ASXL2: variants seen among roughly 807,000 people sequenced by gnomAD.
ASXL2 encodes the protein putative Polycomb group protein ASXL2.
Under a neutral mutation model 122.0 loss-of-function variants are expected in ASXL2, and 23 were observed. That is an observed-to-expected ratio of 0.19 (90% confidence interval 0.14 to 0.27). ASXL2 has a LOEUF of 0.27. ASXL2 is among the 10% of genes least tolerant of loss of function. The pLI is 1.00. For synonymous variants in ASXL2, 650 were observed against 637.0 expected (o/e 1.02, Z -0.31); for missense variants, 1,518 against 1,713.8 (o/e 0.89, Z 2.02).
intron 2 of ASXL2, among the ~76,000 whole-genome samples, chr2:25,840,273 C>T (rs1231737632): frequency 6.6e-6 from 1 of 152,038 alleles, no homozygotes; most frequent in Non-Finnish European, 1.5e-5. Context: ...AAATGATTTC[C>T]AATCTTACCA....
chr2:25,848,555 G>A (rs1014924236), intron 1 of ASXL2, among the ~76,000 whole-genome samples: 11 of 151,966 alleles, frequency 7.2e-5, no homozygotes, highest in Non-Finnish European at 1.5e-4. Context: ...CCCTGGAGAC[G>A]GAGCTTGCAG....
In ASXL2 at chr2:25,743,191, A is replaced by G. The variant is rs2087866633; in HGVS notation, c.3146T>C (p.Ile1049Thr). 6.8e-6 allele frequency: 11 copies of G among 1,613,802 alleles called. No homozygotes were observed. The highest frequency in any genetic ancestry group is 1.3e-5 in the African/African-American group (1 of 74,910). ...TCCTTCGTGGTATTGGTGTGTGTCA[A>G]TGCTGGAGTCCCTCAGCTCCTTAGC... is the stretch of plus-strand genomic sequence containing the variant. ...FSAKELRDSSIDTHQYHEGLS... is the reference protein window; with the variant it reads ...FSAKELRDSSTDTHQYHEGLS... The change falls in exon 13 of 13, where the codon ATT (isoleucine) becomes ACT (threonine). Residue 1049 changes from isoleucine to threonine, a missense_variant. Transcript: ENST00000435504.
chr2:25,854,897 G>A (rs1343028632), intron 1 of ASXL2, among the ~76,000 whole-genome samples: 3 of 152,098 alleles, frequency 2.0e-5, no homozygotes, highest in African/African-American at 7.3e-5. Context: ...GCCAGTGTCT[G>A]TCTTGAGGAG....
At chr2:25,843,088 C>A (rs1179164276) in intron 2 of ASXL2, among the ~76,000 whole-genome samples, 15 of 151,328 alleles carry the variant, frequency 9.9e-5, no homozygotes, top group Admixed American at 4.6e-4. Context: ...ATCACAAGGT[C>A]AGGAGATCAA....
At position 25,739,877 on chromosome 2, in the gene ASXL2, G is replaced by A. The variant is rs942710144; in HGVS notation, c.*2152C>T. 1 of 218,744 alleles carries A rather than the reference G, an allele frequency of 4.6e-6. No homozygotes were observed. The highest frequency in any genetic ancestry group is 9.2e-6 in the Non-Finnish European group (1 of 109,050). 13.6% of individuals were successfully genotyped at this position (218,744 alleles called of 1,614,324 possible). On this transcript the variant is annotated 3_prime_UTR_variant, in exon 13 of 13. Coordinates refer to ENST00000435504, the MANE Select transcript of ASXL2 (RefSeq NM_018263.6). Reference sequence around the variant, plus strand: ...CAAAACTCTCAACCTCTTCCAGCATGCAGACCAGCCCTCGGCCCTGGCACT... The same window carrying A: ...CAAAACTCTCAACCTCTTCCAGCATACAGACCAGCCCTCGGCCCTGGCACT...
chr2:25,872,787 C>T (rs1286483251), intron 1 of ASXL2, among the ~76,000 whole-genome samples: 3 of 152,056 alleles, frequency 2.0e-5, no homozygotes, highest in Admixed American at 6.6e-5. Flanking sequence ...AGAGAGAGGA[C>T]GCTTAAGCAA....
rs557872665 is a variant in ASXL2, at chr2:25,739,581, C to G, written c.*2448G>C. On this transcript the variant is annotated 3_prime_UTR_variant, in exon 13 of 13. Coordinates refer to ENST00000435504, the MANE Select transcript of ASXL2 (RefSeq NM_018263.6). ...AGTATTCCTAAATGCAAATATTTAG[C>G]TGAGTATTATTTGTTAAGATAATCT... is the stretch of plus-strand genomic sequence containing the variant. 2 of 194,106 alleles carry G rather than the reference C, an allele frequency of 1.0e-5. No homozygotes were observed. The highest frequency in any genetic ancestry group is 1.6e-4 in the East Asian group (2 of 12,316). The allele number at this position is 194,106 out of a possible 1,614,324, so 12.0% of individuals were successfully genotyped here. A position where few individuals can be genotyped will look rare whatever the true frequency, so the allele number is the denominator to read the frequency against.
At chr2:25,747,558 T>A (rs1164252362) in intron 12 of ASXL2, among the ~76,000 whole-genome samples, 1 of 152,152 alleles carries the variant, frequency 6.6e-6, no homozygotes, top group Non-Finnish European at 1.5e-5. Context: ...CACAGTGGAT[T>A]AAAGTTTCTG....
At chr2:25,841,258 T>C (rs2089574928) in intron 2 of ASXL2, among the ~76,000 whole-genome samples, 1 of 152,182 alleles carries the variant, frequency 6.6e-6, no homozygotes, top group South Asian at 2.1e-4. Context: ...ATTGCACCAC[T>C]GCACTCCAGC....
chr2:25,754,496 T>C (rs1360080850), intron 10 of ASXL2, among the ~76,000 whole-genome samples: 5 of 151,998 alleles, frequency 3.3e-5, no homozygotes, highest in East Asian at 1.9e-4. Context: ...GGGCAAAGGA[T>C]TGGGAAAAGA....
intron 1 of ASXL2, among the ~76,000 whole-genome samples, chr2:25,871,119 T>C (rs1260564113): frequency 1.3e-5 from 2 of 152,200 alleles, no homozygotes; most frequent in Non-Finnish European, 2.9e-5. Context: ...CAAATCACAC[T>C]GTACTAAAAA....
intron 5 of ASXL2, among the ~76,000 whole-genome samples, chr2:25,794,721 T>C (rs2088887723): frequency 1.3e-5 from 2 of 152,212 alleles, no homozygotes; most frequent in South Asian, 2.1e-4. Context: ...TTTATTTTTG[T>C]ACATAAAAGG....
At chr2:25,802,084 T>A (rs2089007128) in intron 4 of ASXL2, among the ~76,000 whole-genome samples, 1 of 152,238 alleles carries the variant, frequency 6.6e-6, no homozygotes, top group South Asian at 2.1e-4. Flanking sequence ...CCACTCTGAA[T>A]CTTTCCAACT....
chr2:25,807,326 C>T (rs2149174835), intron 3 of ASXL2, among the ~76,000 whole-genome samples: 1 of 152,262 alleles, frequency 6.6e-6, no homozygotes, highest in African/African-American at 2.4e-5. Flanking sequence ...AAGGAGTTAT[C>T]TGCTGGGAAG....
At chr2:25,858,083 A>C (rs2089802017) in intron 1 of ASXL2, among the ~76,000 whole-genome samples, 1 of 152,184 alleles carries the variant, frequency 6.6e-6, no homozygotes, top group Non-Finnish European at 1.5e-5. Context: ...ATTTAACTAC[A>C]TTCAATGCTG....
At position 25,737,463 on chromosome 2, in the gene ASXL2, A is replaced by T. The variant is rs2087755605; in HGVS notation, c.*4566T>A. The T allele has an allele frequency of 6.6e-6, 1 of 152,224 alleles. No homozygotes were observed. Among genetic ancestry groups the T allele is most frequent in the Non-Finnish European group, 1.5e-5 (1 of 68,036 alleles). 9.4% of individuals were successfully genotyped at this position (152,224 alleles called of 1,614,324 possible). On this transcript the variant is annotated 3_prime_UTR_variant, in exon 13 of 13. Coordinates refer to ENST00000435504, the MANE Select transcript of ASXL2 (RefSeq NM_018263.6). ...TAGGAGACAAAACAGATTAAGGGAG[A>T]AAACATGGAGACAGACAGATAAGGA...
intron 3 of ASXL2, among the ~76,000 whole-genome samples, chr2:25,824,480 C>T (rs1192091411): frequency 6.8e-6 from 1 of 147,386 alleles, no homozygotes; most frequent in African/African-American, 2.5e-5. Context: ...TGTGCACGTA[C>T]ACACACACAC....
intron 1 of ASXL2, among the ~76,000 whole-genome samples, chr2:25,848,981 G>A (rs2089684000): frequency 1.4e-5 from 2 of 143,732 alleles, no homozygotes; most frequent in East Asian, 2.2e-4. Flanking sequence ...GGAGGCGGAG[G>A]TTGCAGTGAG....
intron 5 of ASXL2, among the ~76,000 whole-genome samples, chr2:25,785,264 CT>C (rs1475511327): frequency 8.5e-5 from 13 of 152,188 alleles, no homozygotes; most frequent in Admixed American, 2.6e-4. Context: ...CTCGCTCTGT[CT>C]CCCTGGCTGG....
Sources: gnomAD v4.1 joint callset for allele counts (sites outside exome capture counted in the v4.1 genomes callset) on GRCh38, gnomAD v4.1.1 for gene constraint, MANE v1.5 for transcripts, NCBI Gene and HGNC (gene_info 2026-07-23, HGNC 2026-07-21) for gene names.